The following FUT8 variants were observed in gnomAD, a reference collection of about 807,000 sequenced individuals.
FUT8 encodes fucosyltransferase 8.
In FUT8, 29 loss-of-function variants were observed where a neutral mutation model predicts 71.3. The ratio of observed to expected loss-of-function variants is 0.41; its 90% CI spans 0.30 to 0.55. FUT8 has a LOEUF of 0.55. Ranked by LOEUF, FUT8 falls within the 20% of genes least tolerant of loss-of-function variation. The pLI, the probability that FUT8 is intolerant of heterozygous loss-of-function variation, is 0.34. For missense variants in FUT8, 544 were observed against 702.1 expected, an observed-to-expected ratio of 0.77 and a Z score of 2.55; for synonymous variants, 254 against 239.3, an observed-to-expected ratio of 1.06 and a Z score of -0.57.
intron 2 of FUT8, among the ~76,000 whole-genome samples, chr14:65,513,467 T>C (rs1882496276): frequency 6.6e-6 from 1 of 151,976 alleles, no homozygotes; most frequent in African/African-American, 2.4e-5. Context: ...GTAGTTAAGA[T>C]AGGAAATGAC....
rs142110751 is a variant in FUT8, at chr14:65,730,659, G to A, written c.1260-2572G>A. On this transcript the variant is annotated intron_variant, in intron 9 of 10. Coordinates refer to ENST00000673929, the MANE Select transcript of FUT8 (RefSeq NM_001371533.1). The stretch of plus-strand genomic sequence containing the variant: ...TGCACTCCAGCCTGGGCGACAGAGC[G>A]AGACTCAATCTCAAAAAAAAAAATT... Among the ~76,000 whole-genome samples, 780 of 152,000 alleles carry A rather than the reference G, an allele frequency of 5.1e-3. 9 individuals are homozygous for A. Among genetic ancestry groups the A allele is most frequent in the African/African-American group, 0.017 (721 of 41,484 alleles).
At chr14:65,661,677 A>G (rs1205694249) in intron 6 of FUT8, among the ~76,000 whole-genome samples, 1 of 152,168 alleles carries the variant, frequency 6.6e-6, no homozygotes, top group East Asian at 1.9e-4. Context: ...AATCAGTACT[A>G]TTTTGTAATA....
chr14:65,458,554 G>A (rs566203110), intron 2 of FUT8, among the ~76,000 whole-genome samples: 23 of 152,216 alleles, frequency 1.5e-4, no homozygotes, highest in Admixed American at 1.4e-3. Flanking sequence ...AAATAAAAAG[G>A]TCTTGAGAAA....
rs570368190 is a variant in FUT8 at position 65,467,118 on chromosome 14, T to C, written c.-228+11400T>C. On this transcript the variant is annotated intron_variant, in intron 2 of 10. Coordinates refer to ENST00000673929, the MANE Select transcript of FUT8 (RefSeq NM_001371533.1). This position sits in a 1 kb window ranked among gnomAD's most constrained non-coding sequence, Gnocchi z 4.1. Reference sequence around the variant, plus strand: ...ATATTTCTGATCTATATAATTTTCCTTCTTTCTGAATAACTTCTGTTAACA... The same window carrying C: ...ATATTTCTGATCTATATAATTTTCCCTCTTTCTGAATAACTTCTGTTAACA... Among the ~76,000 whole-genome samples, 1 of 152,324 alleles carries C rather than the reference T, an allele frequency of 6.6e-6. No individual in the cohort carries two copies. The highest frequency in any genetic ancestry group is 2.1e-4 in the South Asian group (1 of 4,832).
intron 3 of FUT8, among the ~76,000 whole-genome samples, chr14:65,572,463 T>G (rs1304954230): frequency 6.6e-6 from 1 of 152,210 alleles, no homozygotes; most frequent in Non-Finnish European, 1.5e-5. Flanking sequence ...CTGTGAGTGA[T>G]GAATGTGGAG....
At position 65,550,010 on chromosome 14, in the gene FUT8, G is replaced by A. The variant is rs1440641871; in HGVS notation, c.-227-11327G>A. On this transcript the variant is annotated intron_variant, in intron 2 of 10. Coordinates refer to ENST00000673929, the MANE Select transcript of FUT8 (RefSeq NM_001371533.1). This position sits in a 1 kb window ranked among gnomAD's most constrained non-coding sequence, Gnocchi z 4.5. The stretch of plus-strand genomic sequence containing the variant: ...CAGGAGTTGGAGGTTGCAGTGAGCC[G>A]AGATCTCGCCACTGCACTCCAGCCT... Among the ~76,000 whole-genome samples the A allele has an allele frequency of 3.3e-5, 5 of 152,090 alleles. No homozygotes were observed.
chr14:65,560,675 G>T (rs560763014), intron 2 of FUT8, among the ~76,000 whole-genome samples: 1 of 152,280 alleles, frequency 6.6e-6, no homozygotes, highest in East Asian at 1.9e-4. Context: ...GACGTTTGTT[G>T]CAATTGTTGG....
chr14:65,399,701 T>G, the FUT8 span, among the ~76,000 whole-genome samples: 1 of 152,218 alleles, frequency 6.6e-6, no homozygotes, highest in African/African-American at 2.4e-5. Context: ...AGAATATTCT[T>G]CATCTTTAAA....
chr14:65,576,121 G>A (rs1290308361), intron 3 of FUT8, among the ~76,000 whole-genome samples: 2 of 152,016 alleles, frequency 1.3e-5, no homozygotes, highest in East Asian at 3.8e-4. Context: ...TTTTTGGTTT[G>A]CTTAGCTTTA....
chr14:65,427,190 T>C (rs1179929416), intron 1 of FUT8, among the ~76,000 whole-genome samples: 1 of 152,152 alleles, frequency 6.6e-6, no homozygotes, highest in Non-Finnish European at 1.5e-5. Context: ...TACCCGTTTA[T>C]CCATTGGTGG....
At chr14:65,418,203 A>G (rs1293206643) in intron 1 of FUT8, among the ~76,000 whole-genome samples, 1 of 152,230 alleles carries the variant, frequency 6.6e-6, no homozygotes, top group Non-Finnish European at 1.5e-5. Flanking sequence ...AACTTGAACA[A>G]AAGTAAAATG....
chr14:65,359,915 T>A, the FUT8 span, among the ~76,000 whole-genome samples: 1 of 152,092 alleles, frequency 6.6e-6, no homozygotes, highest in Non-Finnish European at 1.5e-5. Context: ...AATCTCCGCC[T>A]CCCGCCTCCT....
chr14:65,545,348 T>C (rs1183173528), intron 2 of FUT8, among the ~76,000 whole-genome samples: 1 of 152,020 alleles, frequency 6.6e-6, no homozygotes, highest in Non-Finnish European at 1.5e-5. Flanking sequence ...GGATTATGTA[T>C]GTACTATATA....
chr14:65,441,751 CAAAAAAAAA>C (rs71126746), intron 1 of FUT8, among the ~76,000 whole-genome samples: 1 of 69,462 alleles, frequency 1.4e-5, no homozygotes. Flanking sequence ...GATTCCATCT[CAAAAAAAAA>C]AAAAAAAAAA....
intron 6 of FUT8, among the ~76,000 whole-genome samples, chr14:65,653,041 G>C (rs1211979785): frequency 6.6e-6 from 1 of 152,192 alleles, no homozygotes. Flanking sequence ...GAACAAGCCA[G>C]GAGGAATGTG....
At chr14:65,432,811 C>T (rs923332333) in intron 1 of FUT8, among the ~76,000 whole-genome samples, 4 of 152,214 alleles carry the variant, frequency 2.6e-5, no homozygotes, top group Middle Eastern at 3.4e-3. Flanking sequence ...CCTGTATGGT[C>T]TAAAAATGGG....
At chr14:65,721,470 C>T (rs1387205424) in intron 7 of FUT8, among the ~76,000 whole-genome samples, 3 of 152,112 alleles carry the variant, frequency 2.0e-5, no homozygotes, top group Non-Finnish European at 4.4e-5. Flanking sequence ...GCTGTGTCTA[C>T]TGTCATTCTT....
intron 2 of FUT8, among the ~76,000 whole-genome samples, chr14:65,512,358 G>C (rs1387590761): frequency 1.3e-5 from 2 of 152,038 alleles, no homozygotes; most frequent in Non-Finnish European, 2.9e-5. Flanking sequence ...TAGAGACGAG[G>C]TTTCACCATA....
chr14:65,370,130 TAA>T, the FUT8 span, among the ~76,000 whole-genome samples: 1 of 139,600 alleles, frequency 7.2e-6, no homozygotes, highest in Non-Finnish European at 1.6e-5. Flanking sequence ...TTTCTCCCAT[TAA>T]AAAAAAAAAG....
Sources: allele counts gnomAD v4.1 joint callset (sites outside exome capture counted in the v4.1 genomes callset), GRCh38; gene constraint gnomAD v4.1.1; non-coding constraint Gnocchi (gnomAD v3.1); transcripts MANE v1.5; gene names NCBI Gene and HGNC (gene_info 2026-07-23, HGNC 2026-07-21).